Variants in SYN3 observed in about 807,000 individuals in gnomAD.
The protein encoded by SYN3 is synapsin III, also known as synapsin-3.
Under a neutral mutation model 65.8 loss-of-function variants are expected in SYN3, and 35 were observed. That is an observed-to-expected ratio of 0.53 (90% CI 0.41 to 0.70). SYN3 has a LOEUF of 0.70. SYN3 is among the 30% of genes least tolerant of loss of function. The probability of loss-of-function intolerance (pLI) is 0.00; values close to 1 mark genes in which losing one functional copy is unlikely to be tolerated. For synonymous variants in SYN3, 270 were observed against 292.9 expected, an observed-to-expected ratio of 0.92 and a Z score of 0.80; for missense variants, 680 against 749.0, an observed-to-expected ratio of 0.91 and a Z score of 1.08.
intron 6 of SYN3, among the ~76,000 whole-genome samples, chr22:32,618,384 C>G (rs1176449691): frequency 6.6e-6 from 1 of 152,144 alleles, no homozygotes; most frequent in African/African-American, 2.4e-5. Flanking sequence ...TGGGAACAAA[C>G]AAACCGGGCA....
At chr22:32,569,379 A>AATCT (rs368989926) in intron 7 of SYN3, among the ~76,000 whole-genome samples, 1,969 of 148,446 alleles carry the variant, frequency 0.013, 46 homozygotes, top group African/African-American at 0.046. Context: ...ACCTATCTAA[A>AATCT]ATCTATCTAT....
intron 6 of SYN3, among the ~76,000 whole-genome samples, chr22:32,614,980 A>G (rs1031419971): frequency 1.9e-4 from 29 of 152,112 alleles, no homozygotes; most frequent in African/African-American, 5.8e-4. Context: ...CCAAAAAAAA[A>G]AAAATACTGC....
chr22:32,779,739 T>A (rs896708200), intron 6 of SYN3, among the ~76,000 whole-genome samples: 1 of 151,908 alleles, frequency 6.6e-6, no homozygotes, highest in Admixed American at 6.6e-5. Context: ...AGGGGATGCA[T>A]GAATAGGAAA....
intron 1 of SYN3, among the ~76,000 whole-genome samples, chr22:33,021,404 G>A (rs1335578985): frequency 2.0e-5 from 3 of 152,196 alleles, no homozygotes; most frequent in Non-Finnish European, 4.4e-5. Flanking sequence ...ATATGGAAGA[G>A]TTCCATCACC....
intron 2 of SYN3, among the ~76,000 whole-genome samples, chr22:33,005,999 G>C (rs893152996): frequency 6.6e-6 from 1 of 152,292 alleles, no homozygotes; most frequent in African/African-American, 2.4e-5. Flanking sequence ...CAAATCATAT[G>C]AACAAACACA....
At chr22:32,923,317 C>T (rs548382076) in intron 4 of SYN3, among the ~76,000 whole-genome samples, 10 of 152,298 alleles carry the variant, frequency 6.6e-5, no homozygotes, top group African/African-American at 2.2e-4. Context: ...GGACCCCCAG[C>T]GGATTGGATG....
intron 4 of SYN3, among the ~76,000 whole-genome samples, chr22:32,916,080 A>G (rs1283431816): frequency 1.3e-5 from 2 of 152,182 alleles, no homozygotes. Flanking sequence ...CAGCTACCAC[A>G]TGAGAAATCT....
At chr22:32,813,536 C>CGT (rs1231172505) in intron 6 of SYN3, among the ~76,000 whole-genome samples, 1 of 143,252 alleles carries the variant, frequency 7.0e-6, no homozygotes, top group Non-Finnish European at 1.5e-5. Context: ...CACACACACA[C>CGT]GTGGACCAAA....
chr22:32,896,379 C>A (rs2049594336), intron 4 of SYN3, among the ~76,000 whole-genome samples: 1 of 152,136 alleles, frequency 6.6e-6, no homozygotes, highest in Admixed American at 6.6e-5. Context: ...TCACTTGAAC[C>A]CAGGTGGCAG....
chr22:32,867,238 A>G (rs1253346842), intron 5 of SYN3, among the ~76,000 whole-genome samples: 1 of 152,170 alleles, frequency 6.6e-6, no homozygotes, highest in African/African-American at 2.4e-5. Context: ...CACATTACCT[A>G]TCCTCTTTCT....
rs537744258 is a variant in SYN3 at position 32,695,979 on chromosome 22, T to C, written c.712-99243A>G. 1.0e-3 allele frequency among the ~76,000 whole-genome samples: 159 copies of C among 152,350 alleles called. 1 individual carries two copies. Among genetic ancestry groups the C allele is most frequent in the African/African-American group, 3.5e-3 (146 of 41,578 alleles). ...CAAACTTCACTGAATGTGGCAGATATGGGTTTTAGCCTGTTTTCTTTAGAG... is the reference window on the plus strand; with the variant it reads ...CAAACTTCACTGAATGTGGCAGATACGGGTTTTAGCCTGTTTTCTTTAGAG... On this transcript the variant is annotated intron_variant, in intron 6 of 13. Transcript: ENST00000358763.
intron 6 of SYN3, among the ~76,000 whole-genome samples, chr22:32,771,768 G>A (rs1228993504): frequency 2.6e-5 from 4 of 152,160 alleles, no homozygotes; most frequent in Non-Finnish European, 4.4e-5. Flanking sequence ...GAGATTACCC[G>A]TGAGTCTCTG....
intron 4 of SYN3, among the ~76,000 whole-genome samples, chr22:32,878,908 G>T (rs931335864): frequency 5.3e-5 from 8 of 152,104 alleles, no homozygotes; most frequent in Non-Finnish European, 1.0e-4. Context: ...GGGAATGAGG[G>T]TCCTGCATGG....
chr22:32,776,537 C>G (rs1886940693), intron 6 of SYN3, among the ~76,000 whole-genome samples: 1 of 152,194 alleles, frequency 6.6e-6, no homozygotes, highest in African/African-American at 2.4e-5. Flanking sequence ...TAAGGTCACA[C>G]AGCGGGCACC....
At chr22:32,584,385 C>T (rs926137555) in intron 7 of SYN3, among the ~76,000 whole-genome samples, 9 of 152,110 alleles carry the variant, frequency 5.9e-5, no homozygotes, top group Non-Finnish European at 1.3e-4. Flanking sequence ...GATTGGAGTG[C>T]GGTAAATTAT....
chr22:32,817,963 G>A (rs2047131775), intron 6 of SYN3, among the ~76,000 whole-genome samples: 1 of 152,148 alleles, frequency 6.6e-6, no homozygotes, highest in Admixed American at 6.5e-5. Flanking sequence ...TTTACCGATA[G>A]GAGCACCTTT....
chr22:32,954,955 C>T (rs241761), intron 3 of SYN3, among the ~76,000 whole-genome samples: 64,318 of 110,348 alleles, frequency 0.58, 16,227 homozygotes, highest in East Asian at 0.77. Context: ...TTTTTTTTTT[C>T]TTTTCATTTT....
intron 2 of SYN3, among the ~76,000 whole-genome samples, chr22:32,981,623 C>T (rs569020282): frequency 8.6e-5 from 13 of 151,262 alleles, no homozygotes; most frequent in African/African-American, 3.2e-4. Context: ...AATTGTGCTA[C>T]ATATTTCTAA....
chr22:32,643,517 C>T (rs1280562750), intron 6 of SYN3, among the ~76,000 whole-genome samples: 1 of 113,512 alleles, frequency 8.8e-6, no homozygotes, highest in East Asian at 2.8e-4. Context: ...TAAGAGATCT[C>T]TAAGAATAAT....
Sources: allele counts gnomAD v4.1 joint callset (sites outside exome capture counted in the v4.1 genomes callset), GRCh38; gene constraint gnomAD v4.1.1; transcripts MANE v1.5; gene names NCBI Gene and HGNC (gene_info 2026-07-23, HGNC 2026-07-21).